The following SERGEF variants were observed in gnomAD, a reference collection of about 807,000 sequenced individuals.
SERGEF encodes secretion-regulating guanine nucleotide exchange factor.
SERGEF carries 51 observed loss-of-function variants against 50.0 expected under a neutral mutation model. That is an observed-to-expected ratio of 1.02 (90% CI 0.81 to 1.29). The LOEUF (loss-of-function observed/expected upper bound fraction) is 1.29, where lower values mean the gene tolerates loss of function less well. Among genes scored for constraint, SERGEF ranks in the 50% most tolerant of loss-of-function variants. SERGEF has a pLI of 0.00. For synonymous variants in SERGEF, 205 were observed against 212.4 expected (o/e 0.97, Z 0.30); for missense variants, 521 against 557.0 (o/e 0.94, Z 0.65).
intron 10 of SERGEF, among the ~76,000 whole-genome samples, chr11:17,830,672 G>GAC (rs1554999476): frequency 2.8e-5 from 4 of 144,884 alleles, no homozygotes; most frequent in African/African-American, 1.0e-4. Flanking sequence ...GAGAGAGAGA[G>GAC]AGAGAGAGAG....
intron 1 of SERGEF, among the ~76,000 whole-genome samples, chr11:18,009,580 C>T (rs1301909124): frequency 1.3e-5 from 2 of 152,126 alleles, no homozygotes; most frequent in African/African-American, 4.8e-5. Flanking sequence ...AAGCAAGGCA[C>T]GTCATTATTT....
chr11:18,012,692 G>T, intron 1 of SERGEF: 2 of 1,200,606 alleles, frequency 1.7e-6, no homozygotes, highest in Non-Finnish European at 2.2e-6. Context: ...CCCGAGGCAG[G>T]TTCTTCCCGC....
At chr11:17,988,824 AGTCT>A in intron 7 of SERGEF, 69 bp from the exon 8 acceptor site, 1 of 1,483,696 alleles carries the variant, frequency 6.7e-7, no homozygotes, top group Admixed American at 1.9e-5. Context: ...AAATAACAGA[AGTCT>A]AAAAAATAAG....
chr11:17,868,094 T>C (rs566481682), intron 10 of SERGEF, among the ~76,000 whole-genome samples: 4 of 152,362 alleles, frequency 2.6e-5, no homozygotes, highest in South Asian at 2.1e-4. Context: ...TTGTTACTTA[T>C]GCAAATTTCT....
chr11:17,938,283 T>G (rs888276667), intron 9 of SERGEF, among the ~76,000 whole-genome samples: 7 of 152,200 alleles, frequency 4.6e-5, no homozygotes, highest in Admixed American at 2.0e-4. Flanking sequence ...ACCATTGGGT[T>G]TGGCCCACCA....
intron 9 of SERGEF, among the ~76,000 whole-genome samples, chr11:17,883,661 C>A (rs1422250126): frequency 6.6e-6 from 1 of 152,128 alleles, no homozygotes; most frequent in Non-Finnish European, 1.5e-5. Context: ...TTCTTTTTCT[C>A]ATATTAGATG....
At chr11:17,950,977 A>T (rs1852763027) in intron 9 of SERGEF, among the ~76,000 whole-genome samples, 1 of 152,196 alleles carries the variant, frequency 6.6e-6, no homozygotes, top group Admixed American at 6.5e-5. Context: ...CAAGCCAGAG[A>T]TATCCTTGCT....
At position 17,896,866 on chromosome 11, in the gene SERGEF, GGGAAGGGAAGGGAAGGGAAGGGAA is replaced by G. The variant is rs1851652886; in HGVS notation, c.1012-18646_1012-18623del. 2.7e-3 allele frequency among the ~76,000 whole-genome samples: 18 copies of G among 6,772 alleles called. 1 individual carries two copies. The highest frequency in any genetic ancestry group is 3.7e-3 in the Admixed American group (4 of 1,070). 4.4% of individuals were successfully genotyped at this position (6,772 alleles called of 152,430 possible). On this transcript the variant is annotated intron_variant, in intron 9 of 10. Coordinates refer to ENST00000265965, the MANE Select transcript of SERGEF (RefSeq NM_012139.4). ...GGAAGGGAAGGGTAAGGGAAGGGAA[GGGAAGGGAAGGGAAGGGAAGGGAA>G]GGGAAGGGAAGGGAAGGGAAGGGAA...
rs559366748 is a variant in SERGEF, at chr11:17,911,034, G to A, written c.1012-32790C>T. 3.3e-5 allele frequency among the ~76,000 whole-genome samples: 5 copies of A among 152,206 alleles called. No homozygotes were observed. In the East Asian group the frequency reaches 5.8e-4, roughly 18 times the overall value. ...CTGTGGCAACATTCATTCAACAAAC[G>A]CTTATTAAACACCTATTCTGTGCCA... is the stretch of plus-strand genomic sequence containing the variant. On this transcript the variant is annotated intron_variant, in intron 9 of 10. Transcript: ENST00000265965.
intron 10 of SERGEF, among the ~76,000 whole-genome samples, chr11:17,858,110 G>A (rs989014656): frequency 2.6e-5 from 4 of 152,220 alleles, no homozygotes; most frequent in African/African-American, 9.6e-5. Context: ...GAAGCACCAA[G>A]TGTCTTTGAA....
intron 7 of SERGEF, among the ~76,000 whole-genome samples, chr11:17,992,237 T>C (rs951750780): frequency 3.9e-4 from 60 of 152,184 alleles, no homozygotes; most frequent in African/African-American, 1.3e-3. Context: ...CAATATAAAA[T>C]ATTTACAAAA....
intron 8 of SERGEF, among the ~76,000 whole-genome samples, chr11:17,976,043 G>A (rs1454221758): frequency 6.6e-6 from 1 of 152,132 alleles, no homozygotes; most frequent in Non-Finnish European, 1.5e-5. Context: ...AGGAATTAAG[G>A]CCCTCATTTT....
chr11:17,921,131 T>G (rs936950770), intron 9 of SERGEF, among the ~76,000 whole-genome samples: 1 of 152,190 alleles, frequency 6.6e-6, no homozygotes, highest in Non-Finnish European at 1.5e-5. Flanking sequence ...TTTGGCAAAG[T>G]GTAATTATTT....
intron 10 of SERGEF, among the ~76,000 whole-genome samples, chr11:17,797,904 C>T (rs1044130897): frequency 6.0e-4 from 91 of 152,142 alleles, no homozygotes; most frequent in African/African-American, 2.1e-3. Context: ...GGTGCTCTGC[C>T]ACAGGTCCTG....
intron 10 of SERGEF, among the ~76,000 whole-genome samples, chr11:17,810,718 G>T (rs907894286): frequency 7.2e-5 from 11 of 151,982 alleles, no homozygotes; most frequent in Non-Finnish European, 1.6e-4. Flanking sequence ...CAGAGCCCTG[G>T]GTCACAGGTG....
chr11:17,884,787 G>T lies in SERGEF; in HGVS notation c.1012-6543C>A, dbSNP rs568321. On this transcript the variant is annotated intron_variant, in intron 9 of 10. Transcript: ENST00000265965. The surrounding 1 kb of genome is among the most constrained non-coding windows in gnomAD (Gnocchi z 4.6). ...GTATGTATGCCTGTGAAAAAAATGAGCTTGAACTAGGTTCTGCTATCTTCC... is the reference window on the plus strand; with the variant it reads ...GTATGTATGCCTGTGAAAAAAATGATCTTGAACTAGGTTCTGCTATCTTCC... Among the ~76,000 whole-genome samples the T allele has an allele frequency of 0.39, 58,716 of 152,004 alleles. 11,459 individuals carry two copies. The highest frequency in any genetic ancestry group is 0.41 in the South Asian group (1,995 of 4,810).
intron 10 of SERGEF, among the ~76,000 whole-genome samples, chr11:17,817,649 G>A (rs1260772375): frequency 6.6e-6 from 1 of 152,172 alleles, no homozygotes; most frequent in East Asian, 1.9e-4. Flanking sequence ...CTAGTAAGTG[G>A]TAGAGCTGGG....
intron 10 of SERGEF, among the ~76,000 whole-genome samples, chr11:17,867,840 G>A (rs867237775): frequency 2.6e-5 from 4 of 152,224 alleles, no homozygotes; most frequent in African/African-American, 9.6e-5. Flanking sequence ...AAGGCTTGAG[G>A]CTTGTACCCA....
chr11:17,788,545 C>T (rs999288607), intron 10 of SERGEF, 132 bp from the exon 11 acceptor site: 7 of 697,222 alleles, frequency 1.0e-5, no homozygotes, highest in South Asian at 5.3e-5. Flanking sequence ...GGACACATGG[C>T]GGCATCCTCC....
Sources: gnomAD v4.1 joint callset for allele counts (sites outside exome capture counted in the v4.1 genomes callset) on GRCh38, gnomAD v4.1.1 for gene constraint, Gnocchi (gnomAD v3.1) non-coding constraint, MANE v1.5 for transcripts, NCBI Gene and HGNC (gene_info 2026-07-23, HGNC 2026-07-21) for gene names.